The following RGS6 variants were observed in gnomAD, a reference collection of about 807,000 sequenced individuals.
The protein encoded by RGS6 is regulator of G-protein signaling 6.
A neutral mutation model predicts 78.5 loss-of-function variants in RGS6; 30 were observed. The ratio of observed to expected loss-of-function variants is 0.38; its 90% CI spans 0.29 to 0.52. The LOEUF (loss-of-function observed/expected upper bound fraction) is 0.52, where lower values mean the gene tolerates loss of function less well. Among genes scored for constraint, RGS6 ranks in the 20% least tolerant of loss-of-function variants. The pLI, the probability that RGS6 is intolerant of heterozygous loss-of-function variation, is 0.85. For synonymous variants in RGS6, 206 were observed against 206.0 expected (o/e 1.00, Z 0.00); for missense variants, 495 against 609.7 (o/e 0.81, Z 1.98).
intron 2 of RGS6, among the ~76,000 whole-genome samples, chr14:72,069,453 T>G (rs1204486985): frequency 1.3e-5 from 2 of 152,384 alleles, no homozygotes; most frequent in East Asian, 1.9e-4. Context: ...CAGAATGTTT[T>G]AACTCCCGTT....
At chr14:72,628,675 AGAG>A in the RGS6 span, among the ~76,000 whole-genome samples, 10 of 152,004 alleles carry the variant, frequency 6.6e-5, no homozygotes, top group African/African-American at 2.4e-4. Context: ...AGAGTTGGTG[AGAG>A]GAGAGAGAGA....
In RGS6 at chr14:72,540,060, G is replaced by T. The variant is rs748964422; in HGVS notation, c.1388G>T (p.Arg463Leu). 6.3e-7 allele frequency: 1 copy of T among 1,584,032 alleles called. No individual in the cohort carries two copies. Among genetic ancestry groups the T allele is most frequent in the South Asian group, 1.1e-5 (1 of 87,666 alleles). The change falls in exon 17 of 18, where the codon CGT becomes CTT. Residue 463 changes from arginine to leucine, a missense_variant. Transcript: ENST00000553525. Reference sequence around the variant, plus strand: ...CTAAAGCCAGAAAGTGAGCAAGGTCGTAGAACTTCCCTAGAAAAGTTCACT... The same window carrying T: ...CTAAAGCCAGAAAGTGAGCAAGGTCTTAGAACTTCCCTAGAAAAGTTCACT... ...AKKKPESEQG[R>L]RTSLEKFTRS...
At chr14:71,912,980 C>A in the RGS6 span, among the ~76,000 whole-genome samples, 1 of 152,052 alleles carries the variant, frequency 6.6e-6, no homozygotes, top group East Asian at 1.9e-4. Flanking sequence ...TGCCCACCAC[C>A]ACACCCGGCT....
the RGS6 span, among the ~76,000 whole-genome samples, chr14:71,873,379 T>G: frequency 6.6e-6 from 1 of 152,238 alleles, no homozygotes. Context: ...GATTTGCATT[T>G]CTCTGATGAC....
At chr14:71,992,937 G>C (rs1295417272) in intron 2 of RGS6, among the ~76,000 whole-genome samples, 1 of 152,040 alleles carries the variant, frequency 6.6e-6, no homozygotes, top group Non-Finnish European at 1.5e-5. Flanking sequence ...TTTCTCCATT[G>C]TTCAATAAGA....
chr14:72,265,383 A>G (rs2332808), intron 2 of RGS6, among the ~76,000 whole-genome samples: 80,637 of 151,910 alleles, frequency 0.53, 21,572 homozygotes, highest in Middle Eastern at 0.58. Context: ...TGGCTCAGAC[A>G]CAGGCCTGGG....
intron 3 of RGS6, among the ~76,000 whole-genome samples, chr14:72,378,639 A>C (rs1452269799): frequency 6.6e-6 from 1 of 152,042 alleles, no homozygotes; most frequent in African/African-American, 2.4e-5. Context: ...AGATTGAACC[A>C]AGAAGAAATA....
At chr14:72,447,159 G>A (rs55796797) in intron 3 of RGS6, among the ~76,000 whole-genome samples, 31,682 of 151,920 alleles carry the variant, frequency 0.21, 3,609 homozygotes, top group Admixed American at 0.27. Context: ...GGCAGGAGAG[G>A]TGGGGGAAGA....
chr14:72,132,279 C>CTTT lies in RGS6; in HGVS notation c.84+167418_84+167420dup, dbSNP rs529374337. ...TTTTGTATGTATTCTTCTTCTTCTTCTTTTTTTTTTTTTTTTAGGTGGAGT... is the reference window on the plus strand; with the variant it reads ...TTTTGTATGTATTCTTCTTCTTCTTCTTTTTTTTTTTTTTTTTTTAGGTGGAGT... On this transcript the variant is annotated intron_variant, in intron 2 of 17. Transcript: ENST00000553525. 5.1e-3 allele frequency among the ~76,000 whole-genome samples: 705 copies of CTTT among 137,974 alleles called. 3 individuals are homozygous for CTTT. The highest frequency in any genetic ancestry group is 0.017 in the African/African-American group (636 of 37,926). 90.5% of individuals were successfully genotyped at this position (137,974 alleles called of 152,430 possible).
the RGS6 span, among the ~76,000 whole-genome samples, chr14:72,572,210 G>C: frequency 6.6e-6 from 1 of 152,164 alleles, no homozygotes; most frequent in African/African-American, 2.4e-5. Context: ...GTAAAATGCT[G>C]CAGCCGCTTT....
intron 2 of RGS6, among the ~76,000 whole-genome samples, chr14:72,151,660 AGT>A (rs1442149899): frequency 1.3e-5 from 2 of 151,846 alleles, no homozygotes; most frequent in Non-Finnish European, 2.9e-5. Context: ...AGGGGAGGAG[AGT>A]GGGTCTGTTC....
chr14:72,557,005 G>A (rs981304124), intron 17 of RGS6, among the ~76,000 whole-genome samples: 3 of 152,204 alleles, frequency 2.0e-5, no homozygotes, highest in Non-Finnish European at 4.4e-5. Context: ...GGCCCTACAA[G>A]TAACACAGAC....
At chr14:72,354,149 A>C (rs2079721586) in intron 3 of RGS6, among the ~76,000 whole-genome samples, 1 of 152,142 alleles carries the variant, frequency 6.6e-6, no homozygotes, top group Admixed American at 6.5e-5. Context: ...GTACTGTCTT[A>C]CTCAGCTCAG....
chr14:72,225,363 C>T (rs1186786501), intron 2 of RGS6, among the ~76,000 whole-genome samples: 1 of 152,134 alleles, frequency 6.6e-6, no homozygotes, highest in Non-Finnish European at 1.5e-5. Context: ...CATGCTGTCA[C>T]CCAGGCAAGA....
At chr14:71,967,749 T>C (rs1458660529) in intron 2 of RGS6, among the ~76,000 whole-genome samples, 1 of 152,126 alleles carries the variant, frequency 6.6e-6, no homozygotes, top group East Asian at 1.9e-4. Flanking sequence ...AAAAGCCAAA[T>C]CTAGAGAAAT....
At chr14:72,570,192 A>G (rs1486144429), downstream of RGS6, among the ~76,000 whole-genome samples, 1 of 152,264 alleles carries the variant, frequency 6.6e-6, no homozygotes, top group Admixed American at 6.5e-5. Flanking sequence ...TGATTTACAC[A>G]GCATTTACAT....
chr14:71,876,541 C>T, the RGS6 span, among the ~76,000 whole-genome samples: 4 of 97,410 alleles, frequency 4.1e-5, no homozygotes, highest in East Asian at 1.1e-3. Context: ...GATCTTCCTC[C>T]ATCCCTTTAT....
At chr14:71,971,788 T>G (rs912942138) in intron 2 of RGS6, among the ~76,000 whole-genome samples, 1 of 152,160 alleles carries the variant, frequency 6.6e-6, no homozygotes, top group Non-Finnish European at 1.5e-5. Flanking sequence ...TTGGCTGGAT[T>G]CAGCTCCTTA....
the RGS6 span, among the ~76,000 whole-genome samples, chr14:71,901,625 T>A: frequency 6.6e-6 from 1 of 152,190 alleles, no homozygotes; most frequent in South Asian, 2.1e-4. Context: ...CCCGTTGACA[T>A]CCCAGGCCAG....
Sources: allele counts gnomAD v4.1 joint callset (sites outside exome capture counted in the v4.1 genomes callset), GRCh38; gene constraint gnomAD v4.1.1; transcripts MANE v1.5; gene names NCBI Gene and HGNC (gene_info 2026-07-23, HGNC 2026-07-21).